Variants in SH3BP2 observed in about 807,000 individuals in gnomAD.
SH3BP2 encodes SH3 domain binding protein 2.
SH3BP2 carries 38 observed loss-of-function variants against 56.2 expected under a neutral mutation model. That is an observed-to-expected ratio of 0.68 (90% confidence interval 0.52 to 0.89). The LOEUF (loss-of-function observed/expected upper bound fraction) is 0.89, where lower values mean the gene tolerates loss of function less well. Among genes scored for constraint, SH3BP2 ranks in the 40% least tolerant of loss-of-function variants. SH3BP2 has a pLI of 0.00. For synonymous variants in SH3BP2, 346 were observed against 316.7 expected, an observed-to-expected ratio of 1.09 and a Z score of -0.98; for missense variants, 748 against 762.6, an observed-to-expected ratio of 0.98 and a Z score of 0.23.
chr4:2,811,969 G>T (rs974985981), intron 1 of SH3BP2: 15 of 300,252 alleles, frequency 5.0e-5, no homozygotes, highest in Admixed American at 2.8e-4. Context: ...CAGGGTGCAG[G>T]TTGTTTCATG....
At chr4:2,827,926 C>T (rs989682996) in intron 7 of SH3BP2, among the ~76,000 whole-genome samples, 7 of 152,170 alleles carry the variant, frequency 4.6e-5, no homozygotes, top group African/African-American at 1.4e-4. Flanking sequence ...CAGGTGGAGC[C>T]GGGGTGGCCC....
chr4:2,809,760 C>T, intron 1 of SH3BP2: 1 of 985,366 alleles, frequency 1.0e-6, no homozygotes, highest in Non-Finnish European at 1.2e-6. Context: ...GTGAAAGCTC[C>T]CTCCCTCTTC....
In SH3BP2 at chr4:2,832,426, G is replaced by A; in HGVS notation, c.1488+14G>A. On this transcript the variant is annotated intron_variant, in intron 11 of 12. Coordinates refer to ENST00000503393, the MANE Select transcript of SH3BP2 (RefSeq NM_001122681.2). ...AAGTCGGGGAAGGTAGGCGCCAGGGGAAGATGCCCCAGGGCCCCTCTGGCT... is the reference window on the plus strand; with the variant it reads ...AAGTCGGGGAAGGTAGGCGCCAGGGAAAGATGCCCCAGGGCCCCTCTGGCT... 1 of 1,610,250 alleles carries A rather than the reference G, an allele frequency of 6.2e-7. No homozygotes were observed. Among genetic ancestry groups the A allele is most frequent in the Non-Finnish European group, 8.5e-7 (1 of 1,176,604 alleles).
At chr4:2,812,381 G>A (rs746959274) in intron 1 of SH3BP2, 9 of 1,550,162 alleles carry the variant, frequency 5.8e-6, no homozygotes, top group African/African-American at 2.7e-5. Context: ...TGCCTGGGCT[G>A]GTGGCCCCTG....
At chr4:2,800,423 C>T (rs987830789) in intron 1 of SH3BP2, among the ~76,000 whole-genome samples, 22 of 152,210 alleles carry the variant, frequency 1.4e-4, no homozygotes, top group Non-Finnish European at 3.1e-4. Context: ...CGAGCCTGCC[C>T]CGTGGCTGCT....
intron 5 of SH3BP2, 107 bp from the exon 6 acceptor site, chr4:2,827,123 G>C (rs1238009176): frequency 1.2e-6 from 1 of 830,118 alleles, no homozygotes; most frequent in Admixed American, 1.8e-5. Flanking sequence ...GTGCATCTGT[G>C]TATCTGTCCA....
Position 2,831,517 on chromosome 4 carries a change from C to T in SH3BP2, c.1242-54C>T. On this transcript the variant is annotated intron_variant, in intron 8 of 12. Coordinates refer to ENST00000503393, the MANE Select transcript of SH3BP2 (RefSeq NM_001122681.2). The surrounding 1 kb of genome is among the most constrained non-coding windows in gnomAD (Gnocchi z 4.1). ...GAGTGGGGAGGGGAGCAGAGGGTGG[C>T]CGCCCCGTGTCTGACAGTGAAATGG... 7.2e-7 allele frequency: 1 copy of T among 1,386,438 alleles called. No individual in the cohort carries two copies. Among genetic ancestry groups the T allele is most frequent in the African/African-American group, 1.4e-5 (1 of 69,988 alleles). 85.9% of individuals were successfully genotyped at this position (1,386,438 alleles called of 1,614,324 possible). A position where few individuals can be genotyped will look rare whatever the true frequency, so the allele number is the denominator to read the frequency against.
Position 2,823,003 on chromosome 4 carries a change from C to A in SH3BP2, c.205C>A (p.Pro69Thr). 4.3e-6 allele frequency: 7 copies of A among 1,614,058 alleles called. No homozygotes were observed. Among genetic ancestry groups the A allele is most frequent in the Non-Finnish European group, 5.9e-6 (7 of 1,179,940 alleles). The change falls in exon 3 of 13, where the codon CCG becomes ACG. Residue 69 changes from proline to threonine, a missense_variant. This residue lies in a region of SH3BP2 where 104 missense variants were observed against 123.1 expected (regional missense o/e 0.84). Coordinates refer to ENST00000503393, the MANE Select transcript of SH3BP2 (RefSeq NM_001122681.2). ...CTTCAAGAGTAGCACCTCTGCCTCC[C>A]CGCAGGGCGCCTTCTCCCTGAGTGG... The part of the protein sequence containing the change: ...YYFKSSTSAS[P>T]QGAFSLSGYN...
rs1024980242 is a variant in SH3BP2 at position 2,810,493 on chromosome 4, T to A, written c.-4-10121T>A. 1.3e-5 allele frequency among the ~76,000 whole-genome samples: 2 copies of A among 151,862 alleles called. No homozygotes were observed. The highest frequency in any genetic ancestry group is 4.8e-5 in the African/African-American group (2 of 41,326). Reference sequence around the variant, plus strand: ...TTCCAGCTCAGGCCTTGTCCGCTCTTGCATTTGCCTGCCCAGTAAGGGGTG... The same window carrying A: ...TTCCAGCTCAGGCCTTGTCCGCTCTAGCATTTGCCTGCCCAGTAAGGGGTG... On this transcript the variant is annotated intron_variant, in intron 1 of 12. Coordinates refer to ENST00000503393, the MANE Select transcript of SH3BP2 (RefSeq NM_001122681.2). The surrounding 1 kb of genome is among the most constrained non-coding windows in gnomAD (Gnocchi z 4.2).
chr4:2,802,810 G>C (rs1359906970), intron 1 of SH3BP2, among the ~76,000 whole-genome samples: 1 of 152,146 alleles, frequency 6.6e-6, no homozygotes, highest in African/African-American at 2.4e-5. Flanking sequence ...GTGGACAGAG[G>C]GAAGGGACCC....
At chr4:2,820,507 C>A in intron 1 of SH3BP2, 107 bp from the exon 2 acceptor site, 1 of 1,413,316 alleles carries the variant, frequency 7.1e-7, no homozygotes, top group Non-Finnish European at 1.0e-6. Flanking sequence ...CATGGCCCTA[C>A]CCTCCAAGCT....
At chr4:2,807,386 G>T (rs905659172) in intron 1 of SH3BP2, among the ~76,000 whole-genome samples, 2 of 152,204 alleles carry the variant, frequency 1.3e-5, no homozygotes, top group African/African-American at 4.8e-5. Flanking sequence ...CTGTTTGTCT[G>T]TCTGTCCTTC....
intron 1 of SH3BP2, among the ~76,000 whole-genome samples, chr4:2,806,790 T>C (rs1723553690): frequency 6.6e-6 from 1 of 152,188 alleles, no homozygotes; most frequent in Non-Finnish European, 1.5e-5. Flanking sequence ...CAAGAACCTT[T>C]CCTGGGGACA....
intron 1 of SH3BP2, among the ~76,000 whole-genome samples, chr4:2,819,236 T>C (rs950634705): frequency 5.3e-5 from 8 of 152,184 alleles, no homozygotes; most frequent in African/African-American, 9.7e-5. Context: ...TATTTATTTA[T>C]AGAGACAGTG....
In SH3BP2 at chr4:2,840,708, A is replaced by G. The variant is rs757743877; in HGVS notation, c.*6874A>G. On this transcript the variant is annotated 3_prime_UTR_variant, in exon 13 of 13. Coordinates refer to ENST00000503393, the MANE Select transcript of SH3BP2 (RefSeq NM_001122681.2). The stretch of plus-strand genomic sequence containing the variant: ...TTTTCATGTAAGGTTTTTCTCCCAT[A>G]TAAGTTTTAAAATCAGCTTGTCAAT... 2 of 152,224 alleles carry G rather than the reference A, an allele frequency of 1.3e-5. No individual in the cohort carries two copies. Among genetic ancestry groups the G allele is most frequent in the Non-Finnish European group, 2.9e-5 (2 of 68,040 alleles). 9.4% of individuals were successfully genotyped at this position (152,224 alleles called of 1,614,324 possible).
intron 1 of SH3BP2, chr4:2,811,760 C>G (rs1723758157): frequency 6.2e-6 from 1 of 160,104 alleles, no homozygotes; most frequent in Non-Finnish European, 1.4e-5. Flanking sequence ...GGCCTAGTCC[C>G]TCAGTCCCTT....
At chr4:2,827,746 C>A (rs1724754272) in intron 7 of SH3BP2, 72 bp downstream of exon 7, 2 of 1,351,930 alleles carry the variant, frequency 1.5e-6, no homozygotes, top group Admixed American at 3.9e-5. Context: ...GAGCAGAGCC[C>A]CTCCGAGGCT....
chr4:2,829,465 G>A lies in SH3BP2; in HGVS notation c.587-28G>A. ...TAGTGTTGGCCCAGTCTCTGTCAGGGTCCAACCCGGGTCTCTTTGCTCTGC... is the reference window on the plus strand; with the variant it reads ...TAGTGTTGGCCCAGTCTCTGTCAGGATCCAACCCGGGTCTCTTTGCTCTGC... On this transcript the variant is annotated intron_variant, in intron 7 of 12. Coordinates refer to ENST00000503393, the MANE Select transcript of SH3BP2 (RefSeq NM_001122681.2). The surrounding 1 kb of genome is among the most constrained non-coding windows in gnomAD (Gnocchi z 4.9). The A allele has an allele frequency of 6.2e-7, 1 of 1,612,908 alleles. No homozygotes were observed.
In SH3BP2 at chr4:2,797,022, C is replaced by G. The variant is rs531845737; in HGVS notation, c.-5+3884C>G. 3.3e-5 allele frequency among the ~76,000 whole-genome samples: 5 copies of G among 152,326 alleles called. No individual in the cohort carries two copies. The East Asian group carries it at 5.8e-4, about 18-fold the overall frequency. ...GGGAGGCCAGATCCCCAGGCCCGAG[C>G]TAGGGCCTCCCTGCCCTTGACACTG... On this transcript the variant is annotated intron_variant, in intron 1 of 12. Coordinates refer to ENST00000503393, the MANE Select transcript of SH3BP2 (RefSeq NM_001122681.2).
Sources: gnomAD v4.1 joint callset for allele counts (sites outside exome capture counted in the v4.1 genomes callset) on GRCh38, gnomAD v4.1.1 for gene constraint, gnomAD v4.1.1 regional missense constraint, Gnocchi (gnomAD v3.1) non-coding constraint, MANE v1.5 for transcripts, NCBI Gene and HGNC (gene_info 2026-07-23, HGNC 2026-07-21) for gene names.